BRF1: variants seen among roughly 807,000 people sequenced by gnomAD.
The protein encoded by BRF1 is BRF1 general transcription factor IIIB subunit.
BRF1 carries 59 observed loss-of-function variants against 81.7 expected under a neutral mutation model. The observed-to-expected ratio is 0.72, with a 90% CI of 0.59 to 0.90. BRF1 has a LOEUF of 0.90. BRF1 is among the 40% of genes least tolerant of loss of function. The probability of loss-of-function intolerance (pLI) is 0.00; values close to 1 mark genes in which losing one functional copy is unlikely to be tolerated. For missense variants in BRF1, 1,050 were observed against 936.3 expected (o/e 1.12, Z -1.58); for synonymous variants, 491 against 395.6 (o/e 1.24, Z -2.86).
chr14:105,270,335 G>A lies in BRF1; in HGVS notation c.439+2386C>T, dbSNP rs1394787399. ...ACTACAGGAGCCTGCCACCACGCCCGGCTAATTTTTTTTGTATTTTTAGTA... is the reference window on the plus strand; with the variant it reads ...ACTACAGGAGCCTGCCACCACGCCCAGCTAATTTTTTTTGTATTTTTAGTA... On this transcript the variant is annotated intron_variant, in intron 3 of 17. Coordinates refer to ENST00000547530, the MANE Select transcript of BRF1 (RefSeq NM_001519.4). Among the ~76,000 whole-genome samples the A allele has an allele frequency of 1.2e-4, 18 of 151,794 alleles. 1 individual carries two copies. Among genetic ancestry groups the A allele is most frequent in the Admixed American group, 1.1e-3 (17 of 15,258 alleles).
In BRF1 at chr14:105,209,798, T is replaced by C; in HGVS notation, c.*753A>G. ...GACGGGTGGGCGCCGGTCTCAGCTG[T>C]CGGGCACTCAGTTCACCTGCCGGCA... is the stretch of plus-strand genomic sequence containing the variant. On this transcript the variant is annotated 3_prime_UTR_variant, in exon 18 of 18. Coordinates refer to ENST00000547530, the MANE Select transcript of BRF1 (RefSeq NM_001519.4). The C allele has an allele frequency of 7.7e-6, 4 of 520,856 alleles. No homozygotes were observed. The highest frequency in any genetic ancestry group is 1.3e-5 in the Non-Finnish European group (4 of 296,422). The allele number at this position is 520,856 out of a possible 1,614,324, so 32.3% of individuals were successfully genotyped here.
chr14:105,307,830 G>GT (rs1320150178), intron 1 of BRF1, among the ~76,000 whole-genome samples: 2 of 152,202 alleles, frequency 1.3e-5, no homozygotes, highest in Non-Finnish European at 2.9e-5. Flanking sequence ...CCCTGTTCCT[G>GT]TCTGTTCTCC....
At position 105,272,892 on chromosome 14, in the gene BRF1, T is replaced by TC; in HGVS notation, c.267dup (p.Arg90GlufsTer152). The TC allele has an allele frequency of 6.2e-7, 1 of 1,604,804 alleles. No homozygotes were observed. The highest frequency in any genetic ancestry group is 8.5e-7 in the Non-Finnish European group (1 of 1,173,028). ...TTCCCCAGGTGGTGGATGTGGCGCC[T>TC]CCCTAGGACACAGCACGAGGCAGCT... On this transcript the variant is annotated frameshift_variant and splice_region_variant, in exon 3 of 18. Coordinates refer to ENST00000547530, the MANE Select transcript of BRF1 (RefSeq NM_001519.4). LOFTEE classifies it high-confidence loss of function.
Position 105,252,573 on chromosome 14 carries a change from C to T in BRF1, c.478G>A (p.Val160Met). The T allele has an allele frequency of 6.2e-7, 1 of 1,613,490 alleles. No individual in the cohort carries two copies. The highest frequency in any genetic ancestry group is 1.7e-4 in the Middle Eastern group (1 of 6,058). Residue 160 changes from valine (V) to methionine (M), a missense_variant, in exon 5 of 18, where the codon GTG becomes ATG. Around this residue, in one of 2 missense-constraint regions of BRF1, gnomAD observed 1,043 missense variants for 915.4 expected, o/e 1.14. Coordinates refer to ENST00000547530, the MANE Select transcript of BRF1 (RefSeq NM_001519.4). ...LDLSDLLQVN[V>M]YVLGKTFLLL... is the part of the protein sequence containing the mutation. ...AGAAACGTCTTTCCAAGCACGTACA[C>T]ATTCACCTGAGATGGAGAGATCACA... is the stretch of plus-strand genomic sequence containing the variant.
At chr14:105,248,160 T>C in intron 5 of BRF1, 1 of 985,444 alleles carries the variant, frequency 1.0e-6, no homozygotes, top group Non-Finnish European at 1.2e-6. Context: ...TGGACCGCGC[T>C]CTCTGCAAGC....
intron 1 of BRF1, among the ~76,000 whole-genome samples, chr14:105,289,194 T>A (rs1455926455): frequency 1.3e-5 from 2 of 148,984 alleles, no homozygotes; most frequent in African/African-American, 4.9e-5. Flanking sequence ...AAAAAAAAAA[T>A]GAGCGGGGTA....
intron 14 of BRF1, among the ~76,000 whole-genome samples, chr14:105,218,644 A>ACGGCCACAAGGCAGGGAGGCC (rs1240998333): frequency 1.3e-5 from 2 of 152,218 alleles, no homozygotes; most frequent in Non-Finnish European, 2.9e-5. Context: ...GCAGGGAGGC[A>ACGGCCACAAGGCAGGGAGGCC]TGACAGTCGG....
rs1404522324 is a variant in BRF1 at position 105,249,581 on chromosome 14, CCCAGCCCCGCGATGGGTGCTTGGGAG to C, written c.544+2900_544+2925del. On this transcript the variant is annotated intron_variant, in intron 5 of 17. Transcript: ENST00000547530. ...GGAGCTGATGGACTCCTCTCCCAGG[CCCAGCCCCGCGATGGGTGCTTGGGAG>C]CCAGCCCCTGACGCGGGCCCTGCCT... The C allele has an allele frequency of 8.4e-5, 133 of 1,585,522 alleles. 1 individual carries two copies. The Middle Eastern group carries it at 8.4e-4, about 10-fold the overall frequency.
At chr14:105,298,287 G>A (rs2057821498) in intron 1 of BRF1, among the ~76,000 whole-genome samples, 1 of 152,182 alleles carries the variant, frequency 6.6e-6, no homozygotes, top group Non-Finnish European at 1.5e-5. Flanking sequence ...CTTTGAAAAG[G>A]AAGAACAAAG....
intron 5 of BRF1, chr14:105,247,470 C>T (rs971147000): frequency 2.0e-6 from 2 of 985,278 alleles, no homozygotes; most frequent in Non-Finnish European, 2.4e-6. Flanking sequence ...GGTTGTCAGC[C>T]TTTTCCTTCC....
Position 105,241,327 on chromosome 14 carries a change from A to G in BRF1, c.632T>C (p.Leu211Pro), listed in dbSNP as rs1266832350. The change falls in exon 6 of 18, where the codon CTA (leucine) becomes CCA (proline). Residue 211 changes from leucine to proline, a missense_variant. Coordinates refer to ENST00000547530, the MANE Select transcript of BRF1 (RefSeq NM_001519.4). ...HEVSMTALRL[L>P]QRMKRDWMHT... ...CATCCAGTCCCGCTTCATCCTCTGT[A>G]GGAGCCTCAGGGCAGTCATGGACAC... 1 of 1,612,762 alleles carries G rather than the reference A, an allele frequency of 6.2e-7. No homozygotes were observed. The highest frequency in any genetic ancestry group is 8.5e-7 in the Non-Finnish European group (1 of 1,179,926).
intron 5 of BRF1, chr14:105,248,624 C>T (rs1310037233): frequency 3.1e-6 from 3 of 977,806 alleles, no homozygotes; most frequent in Non-Finnish European, 2.4e-6. Context: ...GGCCGGGCTG[C>T]GCTAGGCTGG....
At chr14:105,314,502 G>C (rs1425518542) in intron 1 of BRF1, 2 of 148,384 alleles carry the variant, frequency 1.3e-5, no homozygotes, top group Admixed American at 6.7e-5. Context: ...GCGCAGGCGC[G>C]TGAGTGCGCG....
Position 105,221,632 on chromosome 14 carries a change from C to T in BRF1, c.1315+16G>A, listed in dbSNP as rs768281187. 6 of 1,603,488 alleles carry T rather than the reference C, an allele frequency of 3.7e-6. No individual in the cohort carries two copies. Among genetic ancestry groups the T allele is most frequent in the South Asian group, 2.2e-5 (2 of 89,886 alleles). On this transcript the variant is annotated intron_variant, in intron 11 of 17. Coordinates refer to ENST00000547530, the MANE Select transcript of BRF1 (RefSeq NM_001519.4). Reference sequence around the variant, plus strand: ...CCGATGACCTCAGCGTCCCCCAGGGCCCCATCAGAACTCACTGGGGTCGCT... The same window carrying T: ...CCGATGACCTCAGCGTCCCCCAGGGTCCCATCAGAACTCACTGGGGTCGCT...
intron 2 of BRF1, among the ~76,000 whole-genome samples, chr14:105,278,189 C>T (rs956727643): frequency 6.6e-6 from 1 of 152,172 alleles, no homozygotes; most frequent in Non-Finnish European, 1.5e-5. Context: ...GTGGCTCATG[C>T]CTGTAGTAAT....
intron 15 of BRF1, 79 bp downstream of exon 15, chr14:105,217,465 A>C (rs1344909096): frequency 1.3e-6 from 2 of 1,560,048 alleles, no homozygotes; most frequent in South Asian, 1.2e-5. Context: ...GGCCCCCGGC[A>C]GCTCCAGGAC....
chr14:105,264,556 A>T (rs1566848522), intron 3 of BRF1, among the ~76,000 whole-genome samples: 1 of 151,394 alleles, frequency 6.6e-6, no homozygotes, highest in East Asian at 1.9e-4. Flanking sequence ...AGTCCCAGCT[A>T]CTCGGGAAGC....
chr14:105,254,214 C>T (rs773673793), intron 4 of BRF1, among the ~76,000 whole-genome samples: 2 of 152,204 alleles, frequency 1.3e-5, no homozygotes, highest in African/African-American at 4.8e-5. Context: ...TGGAAACTCA[C>T]GTTTAAAAAG....
chr14:105,265,623 A>G (rs1314820135), intron 3 of BRF1, among the ~76,000 whole-genome samples: 2 of 152,098 alleles, frequency 1.3e-5, no homozygotes, highest in East Asian at 3.9e-4. Flanking sequence ...TGGGCCAGGC[A>G]TAGTGGCTCA....
Sources: allele counts gnomAD v4.1 joint callset (sites outside exome capture counted in the v4.1 genomes callset), GRCh38; gene constraint gnomAD v4.1.1; regional missense constraint gnomAD v4.1.1; transcripts MANE v1.5; gene names NCBI Gene and HGNC (gene_info 2026-07-23, HGNC 2026-07-21).